The following ACTR8 variants were observed in gnomAD, a reference collection of about 807,000 sequenced individuals.
ACTR8 encodes the protein actin related protein 8, also known as actin-related protein 8.
ACTR8 carries 70 observed loss-of-function variants against 84.3 expected under a neutral mutation model. The ratio of observed to expected loss-of-function variants is 0.83; its 90% CI spans 0.68 to 1.01. ACTR8 has a LOEUF of 1.01. Ranked by LOEUF, ACTR8 falls within the 50% of genes least tolerant of loss-of-function variation. The pLI, the probability that ACTR8 is intolerant of heterozygous loss-of-function variation, is 0.00. For synonymous variants in ACTR8, 268 were observed against 275.2 expected (o/e 0.97, Z 0.26); for missense variants, 672 against 775.4 (o/e 0.87, Z 1.58).
chr3:53,860,025 TAA>T, the ACTR8 span: 8 of 812,490 alleles, frequency 9.8e-6, no homozygotes, highest in African/African-American at 1.2e-4. Flanking sequence ...TAAAAAATAA[TAA>T]AAAATAAATA....
intron 9 of ACTR8, 130 bp downstream of exon 9, chr3:53,872,902 G>A (rs775911743): frequency 4.4e-5 from 33 of 743,020 alleles, no homozygotes; most frequent in Non-Finnish European, 3.7e-5. Context: ...TTAAATGTTG[G>A]TTTAGTGGAT....
At chr3:53,874,186 T>C in intron 8 of ACTR8, 25 bp downstream of exon 8, 1 of 1,576,024 alleles carries the variant, frequency 6.3e-7, no homozygotes, top group East Asian at 2.3e-5. Flanking sequence ...ACAAAAATAA[T>C]CAGCAATATT....
chr3:53,872,993 C>T (rs1306871698), intron 9 of ACTR8, 39 bp downstream of exon 9: 1 of 1,487,064 alleles, frequency 6.7e-7, no homozygotes, highest in Non-Finnish European at 9.3e-7. Context: ...ACCTGGATAA[C>T]TTTCTTTCTA....
At chr3:53,877,479 G>C (rs1293507940) in intron 4 of ACTR8, 92 bp from the exon 5 acceptor site, 4 of 1,396,120 alleles carry the variant, frequency 2.9e-6, no homozygotes, top group Non-Finnish European at 3.9e-6. Context: ...AACGTTTGCT[G>C]AATGTGAGAA....
rs1046686 is a variant in ACTR8, at chr3:53,868,698, G to A, written c.*21C>T. Reference sequence around the variant, plus strand: ...CCAAGAAGCTTGTTTTTGGTCTTCGGCAGTGACATTTCCTCCCCATTCACC... The same window carrying A: ...CCAAGAAGCTTGTTTTTGGTCTTCGACAGTGACATTTCCTCCCCATTCACC... On this transcript the variant is annotated 3_prime_UTR_variant, in exon 13 of 13. Transcript: ENST00000335754. 6.2e-7 allele frequency: 1 copy of A among 1,610,916 alleles called. No homozygotes were observed. Among genetic ancestry groups the A allele is most frequent in the Non-Finnish European group, 8.5e-7 (1 of 1,178,744 alleles).
chr3:53,861,301 T>C, the ACTR8 span: 1 of 152,094 alleles, frequency 6.6e-6, no homozygotes, highest in Admixed American at 6.6e-5. Context: ...AAAAACTTTT[T>C]TTTTTCATTA....
At position 53,868,766 on chromosome 3, in the gene ACTR8, G is replaced by C. The variant is rs1000438448; in HGVS notation, c.1828C>G (p.Arg610Gly). Reference sequence around the variant, plus strand: ...TCTCGTAACATGCGGACACCAAAGCGCTGCCACTCTCGCTGATAAATCCAC... The same window carrying C: ...TCTCGTAACATGCGGACACCAAAGCCCTGCCACTCTCGCTGATAAATCCAC... ...ELWIYQREWQ[R>G]FGVRMLRERA... The change falls in exon 13 of 13, where the codon CGC becomes GGC. Residue 610 changes from arginine (R) to glycine (G), a missense_variant. By Grantham distance (125) the Arg-to-Gly change is moderately radical. Coordinates refer to ENST00000335754, the MANE Select transcript of ACTR8 (RefSeq NM_022899.5). 1 of 1,614,148 alleles carries C rather than the reference G, an allele frequency of 6.2e-7. No individual in the cohort carries two copies. The highest frequency in any genetic ancestry group is 8.5e-7 in the Non-Finnish European group (1 of 1,180,034).
At chr3:53,877,110 G>C in intron 5 of ACTR8, 104 bp downstream of exon 5, 1 of 1,153,126 alleles carries the variant, frequency 8.7e-7, no homozygotes, top group South Asian at 2.0e-5. Flanking sequence ...TGAAGGTCAA[G>C]AATGTTTCAA....
chr3:53,863,657 C>G (rs898026358), downstream of ACTR8, among the ~76,000 whole-genome samples: 1 of 151,972 alleles, frequency 6.6e-6, no homozygotes, highest in Non-Finnish European at 1.5e-5. Flanking sequence ...AAAGGGGTGC[C>G]ACTTAACTTT....
At chr3:53,874,185 A>T in intron 8 of ACTR8, 26 bp downstream of exon 8, 1 of 1,579,960 alleles carries the variant, frequency 6.3e-7, no homozygotes, top group Non-Finnish European at 8.6e-7. Flanking sequence ...AACAAAAATA[A>T]TCAGCAATAT....
Position 53,871,356 on chromosome 3 carries a change from C to G in ACTR8, c.1443G>C (p.Leu481=). The G allele has an allele frequency of 6.2e-7, 1 of 1,614,250 alleles. No individual in the cohort carries two copies. The highest frequency in any genetic ancestry group is 8.5e-7 in the Non-Finnish European group (1 of 1,180,044). The part of the protein sequence containing the change: ...VDLGSAQGDG[L]MAGNDSEEAL... Reference sequence around the variant, plus strand: ...CCTCCTCGGAATCGTTGCCGGCCATCAGGCCATCTCCCTGTGCAGACCCCA... The same window carrying G: ...CCTCCTCGGAATCGTTGCCGGCCATGAGGCCATCTCCCTGTGCAGACCCCA... The change falls in exon 11 of 13, where the codon CTG becomes CTC. Residue 481 remains leucine (L), a synonymous_variant. Coordinates refer to ENST00000335754, the MANE Select transcript of ACTR8 (RefSeq NM_022899.5).
chr3:53,876,089 G>GA lies in ACTR8; in HGVS notation c.779-10_779-9insT. The GA allele has an allele frequency of 1.9e-6, 3 of 1,582,226 alleles. No individual in the cohort carries two copies. Among genetic ancestry groups the GA allele is most frequent in the Non-Finnish European group, 2.6e-6 (3 of 1,171,482 alleles). ...CTGATGGACCACAATCCCTGGGGGG[G>GA]GAAAAGAAAAGGCAGAGTAGTCATT... On this transcript the variant is annotated splice_polypyrimidine_tract_variant and intron_variant, in intron 6 of 12. Transcript: ENST00000335754.
downstream of ACTR8, chr3:53,864,951 T>C (rs2232349): frequency 6.9e-4 from 1,113 of 1,614,148 alleles, 10 homozygotes; most frequent in African/African-American, 0.013. Flanking sequence ...GGCTTGCCAC[T>C]CAAAAGAAGG....
chr3:53,879,690 T>G (rs765302131), intron 2 of ACTR8, among the ~76,000 whole-genome samples: 8 of 152,180 alleles, frequency 5.3e-5, no homozygotes, highest in African/African-American at 1.9e-4. Context: ...TTACTGTGAG[T>G]GATGATTTTG....
At chr3:53,864,308 G>A (rs1289292848), downstream of ACTR8, among the ~76,000 whole-genome samples, 1 of 152,156 alleles carries the variant, frequency 6.6e-6, no homozygotes, top group Non-Finnish European at 1.5e-5. Flanking sequence ...AGGCCCAGGC[G>A]GGCGGAACAC....
chr3:53,860,207 A>T, the ACTR8 span: 1 of 1,613,600 alleles, frequency 6.2e-7, no homozygotes, highest in Non-Finnish European at 8.5e-7. Flanking sequence ...GGTGGCAGGG[A>T]TCTATCTAAT....
At chr3:53,876,183 A>C (rs1256537310) in intron 6 of ACTR8, 103 bp from the exon 7 acceptor site, 1 of 1,360,734 alleles carries the variant, frequency 7.3e-7, no homozygotes, top group Non-Finnish European at 1.0e-6. Flanking sequence ...ACCTCTGGGC[A>C]GGGCATCTGA....
chr3:53,878,461 C>T lies in ACTR8; in HGVS notation c.301G>A (p.Glu101Lys). ...WLLREGLNKP[E>K]SNEQRQNGLK... ...CCATTTTGTCTTTGTTCATTACTTTCTGGTTTCTGGGGAAAAAATGAAAGA... is the reference window on the plus strand; with the variant it reads ...CCATTTTGTCTTTGTTCATTACTTTTTGGTTTCTGGGGAAAAAATGAAAGA... Residue 101 changes from glutamate (E) to lysine (K), a missense_variant, in exon 3 of 13, where the codon GAA (glutamate) becomes AAA (lysine). Physicochemically the swap from Glu to Lys is moderately conservative, Grantham distance 56. Coordinates refer to ENST00000335754, the MANE Select transcript of ACTR8 (RefSeq NM_022899.5). 1 of 1,606,068 alleles carries T rather than the reference C, an allele frequency of 6.2e-7. No individual in the cohort carries two copies. The highest frequency in any genetic ancestry group is 2.2e-5 in the East Asian group (1 of 44,776).
Position 53,877,376 on chromosome 3 carries a change from A to T in ACTR8, c.522T>A (p.Val174=). The change falls in exon 5 of 13, where the codon GTT becomes GTA. Residue 174 remains valine, a synonymous_variant. Transcript: ENST00000335754. The part of the protein sequence containing the change: ...EYLVGEEALY[V]NPLDCYNIHW... ...GAATATTGTAACAGTCCAGTGGATT[A>T]ACATACAAGGCCTAGAAAAGGAGGA... The T allele has an allele frequency of 1.9e-6, 3 of 1,605,088 alleles. No homozygotes were observed. Among genetic ancestry groups the T allele is most frequent in the Non-Finnish European group, 2.5e-6 (3 of 1,176,984 alleles).
Sources: allele counts gnomAD v4.1 joint callset (sites outside exome capture counted in the v4.1 genomes callset), GRCh38; gene constraint gnomAD v4.1.1; transcripts MANE v1.5; gene names NCBI Gene and HGNC (gene_info 2026-07-23, HGNC 2026-07-21).